PLIN3: variants seen among roughly 807,000 people sequenced by gnomAD.
The protein encoded by PLIN3 is perilipin-3.
In PLIN3, 30 loss-of-function variants were observed where a neutral mutation model predicts 35.9. The observed-to-expected ratio is 0.84, with a 90% CI of 0.62 to 1.13. The LOEUF is 1.13. Ranked by LOEUF, PLIN3 falls within the 50% of genes most tolerant of loss-of-function variation. PLIN3 has a pLI of 0.00. For synonymous variants in PLIN3, 261 were observed against 262.5 expected, an observed-to-expected ratio of 0.99 and a Z score of 0.06; for missense variants, 603 against 596.9, an observed-to-expected ratio of 1.01 and a Z score of -0.11.
rs537216753 is a variant in PLIN3, at chr19:4,858,001, A to C, written c.348+1589T>G. 2.3e-3 allele frequency among the ~76,000 whole-genome samples: 341 copies of C among 149,874 alleles called. 2 individuals carry two copies. Among genetic ancestry groups the C allele is most frequent in the African/African-American group, 7.9e-3 (323 of 40,696 alleles). On this transcript the variant is annotated intron_variant, in intron 4 of 7. Transcript: ENST00000221957. Reference sequence around the variant, plus strand: ...TAAAAAAAAAAAGAGGGGGCCGGGCACAGTGGCTCATGCCTGTAATCCCAG... The same window carrying C: ...TAAAAAAAAAAAGAGGGGGCCGGGCCCAGTGGCTCATGCCTGTAATCCCAG...
chr19:4,861,292 AG>A (rs1568381046), intron 2 of PLIN3, 36 bp downstream of exon 2: 1 of 1,581,352 alleles, frequency 6.3e-7, no homozygotes, highest in South Asian at 1.1e-5. Context: ...CGGGAATCAC[AG>A]GGTCGGGGCA....
intron 5 of PLIN3, among the ~76,000 whole-genome samples, chr19:4,851,386 C>T (rs887158640): frequency 6.6e-6 from 1 of 152,064 alleles, no homozygotes; most frequent in African/African-American, 2.4e-5. Context: ...CTCGCTTGAA[C>T]CCAGGAGGCA....
At chr19:4,858,672 G>A (rs544758986) in intron 4 of PLIN3, among the ~76,000 whole-genome samples, 8 of 147,902 alleles carry the variant, frequency 5.4e-5, no homozygotes, top group African/African-American at 1.8e-4. Context: ...ATGAGCCACC[G>A]CGCCTGGCCA....
intron 1 of PLIN3, among the ~76,000 whole-genome samples, chr19:4,866,204 G>A (rs1260532991): frequency 6.6e-6 from 1 of 151,904 alleles, no homozygotes; most frequent in Non-Finnish European, 1.5e-5. Context: ...TTTTAGTAGA[G>A]GTGGGGTTTC....
intron 7 of PLIN3, among the ~76,000 whole-genome samples, chr19:4,844,294 T>C (rs1049320524): frequency 1.3e-5 from 2 of 152,008 alleles, no homozygotes; most frequent in African/African-American, 4.8e-5. Flanking sequence ...TGAAACCCTG[T>C]CTCTACTAAA....
chr19:4,862,515 G>C (rs1167807647), intron 1 of PLIN3, among the ~76,000 whole-genome samples: 1 of 151,942 alleles, frequency 6.6e-6, no homozygotes, highest in African/African-American at 2.4e-5. Context: ...CAAAGTTCTG[G>C]GATTACAGGA....
At chr19:4,862,743 A>G (rs2030716076) in intron 1 of PLIN3, among the ~76,000 whole-genome samples, 1 of 152,320 alleles carries the variant, frequency 6.6e-6, no homozygotes, top group East Asian at 1.9e-4. Flanking sequence ...CCCTTGACCC[A>G]GAAACCTCAC....
chr19:4,854,481 G>A (rs1053393437), intron 4 of PLIN3, among the ~76,000 whole-genome samples: 7 of 151,838 alleles, frequency 4.6e-5, no homozygotes, highest in South Asian at 2.1e-4. Flanking sequence ...TCGGCTCACC[G>A]CAACCTCCAC....
chr19:4,846,858 T>A (rs2030115188), intron 6 of PLIN3, among the ~76,000 whole-genome samples: 1 of 151,588 alleles, frequency 6.6e-6, no homozygotes, highest in Non-Finnish European at 1.5e-5. Flanking sequence ...AAAATAAATA[T>A]CTGTTGTTTA....
chr19:4,861,199 G>A, intron 2 of PLIN3, 130 bp downstream of exon 2: 2 of 772,244 alleles, frequency 2.6e-6, no homozygotes, highest in South Asian at 3.0e-5. Context: ...CCCCACTGAG[G>A]AATAAATCCC....
intron 7 of PLIN3, among the ~76,000 whole-genome samples, chr19:4,842,410 C>T (rs765621590): frequency 9.9e-5 from 15 of 151,608 alleles, no homozygotes; most frequent in African/African-American, 2.2e-4. Context: ...GCTTGGGTGA[C>T]GGAGTGAGAC....
Position 4,839,287 on chromosome 19 carries a change from T to C in PLIN3, c.1210A>G (p.Met404Val), listed in dbSNP as rs1275554121. 5.6e-6 allele frequency: 9 copies of C among 1,614,080 alleles called. No homozygotes were observed. The highest frequency in any genetic ancestry group is 7.6e-6 in the Non-Finnish European group (9 of 1,180,012). ...GTGTTCTGGGCCACATATTCCACCA[T>C]GTGGTCCAGGGCCTCGCGGGCGCTG... ...VASAREALDH[M>V]VEYVAQNTPV... Residue 404 changes from methionine to valine, a missense_variant, in exon 8 of 8, where the codon ATG (methionine) becomes GTG (valine). Transcript: ENST00000221957.
In PLIN3 at chr19:4,844,906, G is replaced by C. The variant is rs1326769609; in HGVS notation, c.835-113C>G. 5.2e-5 allele frequency: 66 copies of C among 1,259,408 alleles called. No individual in the cohort carries two copies. The East Asian group carries it at 1.6e-3, about 30-fold the overall frequency. 78.0% of individuals were successfully genotyped at this position (1,259,408 alleles called of 1,614,324 possible). On this transcript the variant is annotated intron_variant, in intron 6 of 7. Coordinates refer to ENST00000221957, the MANE Select transcript of PLIN3 (RefSeq NM_005817.5). ...CTGACTTACATGACAGTCTAGAAAA[G>C]AGAAAGGGAGGGAGGGAGGAAGGGT...
chr19:4,854,965 A>G (rs376856157), intron 4 of PLIN3, among the ~76,000 whole-genome samples: 11 of 151,662 alleles, frequency 7.3e-5, no homozygotes, highest in African/African-American at 2.7e-4. Flanking sequence ...AAATACAAAA[A>G]TTGGCCGGGC....
intron 6 of PLIN3, among the ~76,000 whole-genome samples, chr19:4,845,751 C>T (rs576555498): frequency 7.2e-4 from 108 of 150,488 alleles, no homozygotes; most frequent in Non-Finnish European, 1.3e-3. Context: ...GGTGAAACCC[C>T]ATCTCTACTA....
chr19:4,844,645 C>T (rs1294563423), intron 7 of PLIN3, 23 bp downstream of exon 7: 31 of 1,500,618 alleles, frequency 2.1e-5, no homozygotes, highest in Non-Finnish European at 2.5e-5. Context: ...CCCTAGGCCA[C>T]CCCCCAGTCC....
chr19:4,839,516 G>T lies in PLIN3; in HGVS notation c.981C>A (p.Leu327=). ...PKPEQVESRA[L]TMFRDIAQQL... The stretch of plus-strand genomic sequence containing the variant: ...GCTGGGCAATGTCCCGGAACATGGT[G>T]AGCGCCCGGGACTCGACCTGCTGAG... Residue 327 remains leucine, a synonymous_variant, in exon 8 of 8, where the codon CTC becomes CTA. Transcript: ENST00000221957. 1 of 1,531,830 alleles carries T rather than the reference G, an allele frequency of 6.5e-7. No homozygotes were observed. The highest frequency in any genetic ancestry group is 1.3e-5 in the South Asian group (1 of 79,714). 94.9% of individuals were successfully genotyped at this position (1,531,830 alleles called of 1,614,324 possible).
At chr19:4,859,037 C>T (rs74254953) in intron 4 of PLIN3, among the ~76,000 whole-genome samples, 13,854 of 152,048 alleles carry the variant, frequency 0.091, 903 homozygotes, top group East Asian at 0.29. Context: ...ACTTTCCTGC[C>T]GCCAACCTTT....
At chr19:4,852,778 T>C (rs1198965795) in intron 4 of PLIN3, among the ~76,000 whole-genome samples, 1 of 152,006 alleles carries the variant, frequency 6.6e-6, no homozygotes, top group Non-Finnish European at 1.5e-5. Flanking sequence ...GCAGCTGGGA[T>C]TACAGGTGCC....
Sources: allele counts gnomAD v4.1 joint callset (sites outside exome capture counted in the v4.1 genomes callset), GRCh38; gene constraint gnomAD v4.1.1; transcripts MANE v1.5; gene names NCBI Gene and HGNC (gene_info 2026-07-23, HGNC 2026-07-21).